The following CREB5 variants were observed in gnomAD, a reference collection of about 807,000 sequenced individuals.
CREB5 encodes the protein cyclic AMP-responsive element-binding protein 5.
Under a neutral mutation model 57.1 loss-of-function variants are expected in CREB5, and 19 were observed. The ratio of observed to expected loss-of-function variants is 0.33; its 90% confidence interval spans 0.23 to 0.49. The LOEUF (loss-of-function observed/expected upper bound fraction) is 0.49, where lower values mean the gene tolerates loss of function less well. CREB5 is among the 20% of genes least tolerant of loss of function. CREB5 has a pLI of 0.99. For missense variants in CREB5, 579 were observed against 671.6 expected, an observed-to-expected ratio of 0.86 and a Z score of 1.52; for synonymous variants, 238 against 238.3, an observed-to-expected ratio of 1.00 and a Z score of 0.01.
intron 1 of CREB5, among the ~76,000 whole-genome samples, chr7:28,429,192 A>G (rs1788620966): frequency 6.6e-6 from 1 of 151,916 alleles, no homozygotes; most frequent in African/African-American, 2.4e-5. Context: ...ATGACCAGCT[A>G]ATTTTTGTAT....
chr7:28,526,593 T>C (rs1793457584), intron 4 of CREB5, among the ~76,000 whole-genome samples: 1 of 152,210 alleles, frequency 6.6e-6, no homozygotes, highest in African/African-American at 2.4e-5. Flanking sequence ...TACAGAACAT[T>C]GTTGGGAAAG....
chr7:28,344,572 A>G (rs957649308), intron 1 of CREB5, among the ~76,000 whole-genome samples: 1 of 152,216 alleles, frequency 6.6e-6, no homozygotes, highest in Admixed American at 6.5e-5. Flanking sequence ...TTTTGAAGTC[A>G]GGTAGTGTGA....
intron 1 of CREB5, among the ~76,000 whole-genome samples, chr7:28,384,589 T>TAA (rs201671493): frequency 2.7e-5 from 4 of 150,808 alleles, no homozygotes; most frequent in Non-Finnish European, 5.9e-5. Context: ...CCTCTCCTAA[T>TAA]AAAAAAAAAC....
intron 1 of CREB5, among the ~76,000 whole-genome samples, chr7:28,392,751 G>A (rs1016612032): frequency 6.6e-6 from 1 of 152,146 alleles, no homozygotes. Context: ...GAGATCAGGA[G>A]GACAGAAGAG....
intron 7 of CREB5, among the ~76,000 whole-genome samples, chr7:28,772,710 AC>A (rs1414771775): frequency 2.6e-5 from 4 of 152,150 alleles, no homozygotes; most frequent in Admixed American, 2.0e-4. Flanking sequence ...GAACACTAGC[AC>A]TCATTTTTTG....
At chr7:28,795,156 A>G (rs970704602) in intron 7 of CREB5, among the ~76,000 whole-genome samples, 4 of 152,190 alleles carry the variant, frequency 2.6e-5, no homozygotes, top group Non-Finnish European at 5.9e-5. Context: ...TGCATTGCAT[A>G]ATGATGCTTT....
intron 1 of CREB5, among the ~76,000 whole-genome samples, chr7:28,376,125 G>C (rs1786817833): frequency 6.6e-6 from 1 of 152,180 alleles, no homozygotes; most frequent in South Asian, 2.1e-4. Flanking sequence ...TGGTCAGGCT[G>C]ACTGTATGCT....
At chr7:28,627,950 G>A (rs777338814) in intron 5 of CREB5, among the ~76,000 whole-genome samples, 4 of 152,198 alleles carry the variant, frequency 2.6e-5, no homozygotes, top group Non-Finnish European at 4.4e-5. Flanking sequence ...AATGATGCCT[G>A]CCTTGCCAAA....
intron 4 of CREB5, among the ~76,000 whole-genome samples, chr7:28,526,471 A>G (rs1793452623): frequency 1.3e-5 from 2 of 152,214 alleles, no homozygotes; most frequent in African/African-American, 4.8e-5. Context: ...TAAACTGTGG[A>G]TCCTGCTTAT....
chr7:28,730,919 C>T (rs536411907), intron 7 of CREB5, among the ~76,000 whole-genome samples: 28 of 152,210 alleles, frequency 1.8e-4, no homozygotes, highest in African/African-American at 6.7e-4. Flanking sequence ...AAAAGCATGC[C>T]TTTATAAAAA....
At chr7:28,309,250 G>T (rs896142565) in intron 1 of CREB5, among the ~76,000 whole-genome samples, 4 of 152,058 alleles carry the variant, frequency 2.6e-5, no homozygotes, top group African/African-American at 9.7e-5. Context: ...CAAGCTATTG[G>T]TCTGTTCTTC....
intron 4 of CREB5, among the ~76,000 whole-genome samples, chr7:28,564,818 C>T (rs1390898245): frequency 6.6e-6 from 1 of 152,124 alleles, no homozygotes; most frequent in African/African-American, 2.4e-5. Flanking sequence ...TTGGGAGGCT[C>T]ACTTCTACAA....
intron 1 of CREB5, among the ~76,000 whole-genome samples, chr7:28,319,389 G>A (rs1785446685): frequency 6.6e-6 from 1 of 152,158 alleles, no homozygotes; most frequent in Non-Finnish European, 1.5e-5. Flanking sequence ...ACCCCTCAAT[G>A]TTGGCAAGTT....
chr7:28,593,283 C>T (rs1321819077), intron 5 of CREB5, among the ~76,000 whole-genome samples: 1 of 152,172 alleles, frequency 6.6e-6, no homozygotes, highest in African/African-American at 2.4e-5. Context: ...CAGTCTTGCT[C>T]TGTTGCTCAG....
At chr7:28,716,298 A>G (rs1802682031) in intron 5 of CREB5, among the ~76,000 whole-genome samples, 2 of 152,196 alleles carry the variant, frequency 1.3e-5, no homozygotes, top group South Asian at 4.1e-4. Flanking sequence ...AATGATGATA[A>G]TATGTTGCCC....
intron 7 of CREB5, among the ~76,000 whole-genome samples, chr7:28,790,428 A>AAGAGAGAGAGAGAGAGAGAG (rs370615013): frequency 5.2e-5 from 6 of 115,800 alleles, no homozygotes; most frequent in African/African-American, 1.0e-4. Context: ...GAAAGAAAGA[A>AAGAGAGAGAGAGAGAGAGAG]AGAGAGAGAG....
intron 1 of CREB5, among the ~76,000 whole-genome samples, chr7:28,426,162 C>T (rs1351788298): frequency 6.6e-6 from 1 of 152,170 alleles, no homozygotes; most frequent in Non-Finnish European, 1.5e-5. Context: ...TAGTGAGACT[C>T]CTCTCTTGCT....
At chr7:28,468,041 G>A (rs184824367) in intron 1 of CREB5, among the ~76,000 whole-genome samples, 34 of 152,294 alleles carry the variant, frequency 2.2e-4, no homozygotes, top group African/African-American at 6.3e-4. Context: ...AACACAGTGC[G>A]TGGGTACAGT....
intron 5 of CREB5, among the ~76,000 whole-genome samples, chr7:28,638,248 T>C (rs942566134): frequency 3.0e-5 from 4 of 132,194 alleles, no homozygotes; most frequent in African/African-American, 5.7e-5. Context: ...AATTGCTATC[T>C]TAAAGAAAGA....
Sources: allele counts gnomAD v4.1 joint callset (sites outside exome capture counted in the v4.1 genomes callset), GRCh38; gene constraint gnomAD v4.1.1; transcripts MANE v1.5; gene names NCBI Gene and HGNC (gene_info 2026-07-23, HGNC 2026-07-21).